PLEK2: variants seen among roughly 807,000 people sequenced by gnomAD.
The protein encoded by PLEK2 is pleckstrin-2.
In PLEK2, 29 loss-of-function variants were observed where a neutral mutation model predicts 43.8. The ratio of observed to expected loss-of-function variants is 0.66; its 90% CI spans 0.49 to 0.90. The LOEUF (loss-of-function observed/expected upper bound fraction) is 0.90. Ranked by LOEUF, PLEK2 falls within the 40% of genes least tolerant of loss-of-function variation. PLEK2 has a pLI of 0.00. For synonymous variants in PLEK2, 162 were observed against 173.2 expected (o/e 0.94, Z 0.51); for missense variants, 398 against 448.1 (o/e 0.89, Z 1.01).
chr14:67,405,437 A>G (rs1364620482), intron 1 of PLEK2, among the ~76,000 whole-genome samples: 3 of 152,096 alleles, frequency 2.0e-5, no homozygotes, highest in Non-Finnish European at 2.9e-5. Context: ...ACCAAGGCAA[A>G]GATGAACAAG....
chr14:67,409,582 C>A (rs901213140), intron 1 of PLEK2, among the ~76,000 whole-genome samples: 1 of 152,108 alleles, frequency 6.6e-6, no homozygotes, highest in African/African-American at 2.4e-5. Context: ...CACGGCTCAT[C>A]CCCCACTTCC....
chr14:67,391,551 C>G (rs188545280), intron 6 of PLEK2, among the ~76,000 whole-genome samples: 25 of 152,246 alleles, frequency 1.6e-4, no homozygotes, highest in Admixed American at 1.3e-4. Flanking sequence ...AAGCAGGTGA[C>G]AGCAACAGCA....
chr14:67,400,323 T>TTGCA (rs2086039397), intron 1 of PLEK2, among the ~76,000 whole-genome samples: 1 of 152,230 alleles, frequency 6.6e-6, no homozygotes, highest in African/African-American at 2.4e-5. Flanking sequence ...TCCAGTGGAA[T>TTGCA]TGCACATTTT....
At chr14:67,389,035 A>C (rs150108765) in intron 7 of PLEK2, among the ~76,000 whole-genome samples, 4 of 151,666 alleles carry the variant, frequency 2.6e-5, no homozygotes, top group African/African-American at 7.3e-5. Flanking sequence ...TCGTTACACA[A>C]ATCTAGTATG....
chr14:67,404,714 G>T (rs575146053), intron 1 of PLEK2, among the ~76,000 whole-genome samples: 1 of 152,050 alleles, frequency 6.6e-6, no homozygotes, highest in East Asian at 1.9e-4. Context: ...GGAGGCTGAG[G>T]TGGGAGGATC....
Position 67,395,548 on chromosome 14 carries a change from C to T in PLEK2, c.243G>A (p.Glu81=). The T allele has an allele frequency of 6.2e-7, 1 of 1,614,168 alleles. No individual in the cohort carries two copies. The highest frequency in any genetic ancestry group is 8.5e-7 in the Non-Finnish European group (1 of 1,180,002). Residue 81 remains glutamate (E), a synonymous_variant, in exon 3 of 9, where the codon GAG becomes GAA. Coordinates refer to ENST00000216446, the MANE Select transcript of PLEK2 (RefSeq NM_016445.3). ...CTCGAGAACAGGCCTCCAGGAAGTA[C>T]TCCGTGGATGTTTGAGTCTTCAGCT... ...LIKLKTQTST[E]YFLEACSREE...
At chr14:67,387,924 T>C (rs907085026) in intron 8 of PLEK2, among the ~76,000 whole-genome samples, 1 of 152,260 alleles carries the variant, frequency 6.6e-6, no homozygotes, top group Non-Finnish European at 1.5e-5. Flanking sequence ...TAAGGTATGT[T>C]GTTAACCCTA....
intron 1 of PLEK2, among the ~76,000 whole-genome samples, chr14:67,404,237 C>A (rs936964913): frequency 6.6e-6 from 1 of 152,168 alleles, no homozygotes; most frequent in Non-Finnish European, 1.5e-5. Context: ...ACTGGCACAG[C>A]CTTCAAGGTC....
intron 3 of PLEK2, among the ~76,000 whole-genome samples, chr14:67,395,186 C>T (rs1286650281): frequency 2.6e-5 from 4 of 152,054 alleles, no homozygotes; most frequent in Non-Finnish European, 4.4e-5. Context: ...GCAAGAGCCA[C>T]GAGAGATCCC....
chr14:67,410,979 C>A (rs769404546), intron 1 of PLEK2, among the ~76,000 whole-genome samples: 5 of 151,672 alleles, frequency 3.3e-5, no homozygotes, highest in Non-Finnish European at 5.9e-5. Flanking sequence ...AACCCTGTCT[C>A]CACAAAAAAA....
At chr14:67,402,110 G>C (rs926184283) in intron 1 of PLEK2, among the ~76,000 whole-genome samples, 1 of 152,078 alleles carries the variant, frequency 6.6e-6, no homozygotes, top group Non-Finnish European at 1.5e-5. Context: ...CTCCAGCCTG[G>C]GTGACAGAGG....
intron 1 of PLEK2, among the ~76,000 whole-genome samples, chr14:67,404,854 TTTCTTG>T (rs2086069127): frequency 1.3e-5 from 2 of 151,982 alleles, no homozygotes; most frequent in South Asian, 4.2e-4. Flanking sequence ...TACTTATGTA[TTTCTTG>T]TAGTTTAGAA....
rs1216402347 is a variant in PLEK2, at chr14:67,411,528, C to G, written c.42+490G>C. ...CTGCCTTCACCGCCCCGAGCAAGTT[C>G]CCTAACTCCTCTGGGCTTCGTTTTC... On this transcript the variant is annotated intron_variant, in intron 1 of 8. Transcript: ENST00000216446. 2.0e-5 allele frequency among the ~76,000 whole-genome samples: 3 copies of G among 152,256 alleles called. No homozygotes were observed. In the East Asian group the frequency reaches 5.8e-4, roughly 29 times the overall value.
chr14:67,408,282 G>C (rs1473116661), intron 1 of PLEK2, among the ~76,000 whole-genome samples: 2 of 113,292 alleles, frequency 1.8e-5, no homozygotes, highest in African/African-American at 8.3e-5. Flanking sequence ...GCAAAATTCG[G>C]TCTCAAAATA....
intron 1 of PLEK2, among the ~76,000 whole-genome samples, chr14:67,410,212 T>G (rs1000555041): frequency 6.6e-6 from 1 of 151,988 alleles, no homozygotes; most frequent in Non-Finnish European, 1.5e-5. Context: ...ACTCTCAGCA[T>G]GGTGGGGGTG....
intron 1 of PLEK2, among the ~76,000 whole-genome samples, chr14:67,402,439 C>T (rs1402127512): frequency 6.6e-6 from 1 of 152,186 alleles, no homozygotes; most frequent in African/African-American, 2.4e-5. Flanking sequence ...CGATTATACT[C>T]TTTTGGTTAT....
intron 7 of PLEK2, among the ~76,000 whole-genome samples, chr14:67,389,887 C>T (rs1337674304): frequency 6.6e-6 from 1 of 151,974 alleles, no homozygotes; most frequent in Admixed American, 6.6e-5. Flanking sequence ...GCCAGGCCAC[C>T]ATGCCCCACA....
At chr14:67,391,347 C>A (rs974160363) in intron 6 of PLEK2, among the ~76,000 whole-genome samples, 1 of 150,442 alleles carries the variant, frequency 6.6e-6, no homozygotes, top group Admixed American at 6.6e-5. Flanking sequence ...AAGGTTAGAT[C>A]ACAAACCTTA....
Position 67,412,087 on chromosome 14 carries a change from C to G in PLEK2, c.-28G>C. On this transcript the variant is annotated 5_prime_UTR_variant, in exon 1 of 9. Transcript: ENST00000216446. ...CGCCGCCCGCACGCCAGGGCCACCCCAGGTGCGCCTTCCCCGCGCCTCGCG... is the reference window on the plus strand; with the variant it reads ...CGCCGCCCGCACGCCAGGGCCACCCGAGGTGCGCCTTCCCCGCGCCTCGCG... 6.6e-7 allele frequency: 1 copy of G among 1,504,996 alleles called. No homozygotes were observed. The highest frequency in any genetic ancestry group is 8.9e-7 in the Non-Finnish European group (1 of 1,129,482). 93.2% of individuals were successfully genotyped at this position (1,504,996 alleles called of 1,614,324 possible).
Sources: allele counts gnomAD v4.1 joint callset (sites outside exome capture counted in the v4.1 genomes callset), GRCh38; gene constraint gnomAD v4.1.1; transcripts MANE v1.5; gene names NCBI Gene and HGNC (gene_info 2026-07-23, HGNC 2026-07-21).